MYO16: variants seen among roughly 807,000 people sequenced by gnomAD.
The protein encoded by MYO16 is myosin XVI.
Under a neutral mutation model 205.3 loss-of-function variants are expected in MYO16, and 94 were observed. The observed-to-expected ratio is 0.46, with a 90% CI of 0.39 to 0.54. MYO16 has a LOEUF of 0.54. Ranked by LOEUF, MYO16 falls within the 20% of genes least tolerant of loss-of-function variation. The pLI, the probability that MYO16 is intolerant of heterozygous loss-of-function variation, is 0.00. For synonymous variants in MYO16, 988 were observed against 954.0 expected, an observed-to-expected ratio of 1.04 and a Z score of -0.66; for missense variants, 2,315 against 2,387.5, an observed-to-expected ratio of 0.97 and a Z score of 0.63.
At chr13:108,631,733 G>A (rs1312962988) in intron 1 of MYO16, among the ~76,000 whole-genome samples, 3 of 152,118 alleles carry the variant, frequency 2.0e-5, no homozygotes, top group Non-Finnish European at 4.4e-5. Flanking sequence ...CTAGTGAAGG[G>A]TGTTTTATGA....
chr13:109,047,318 T>A (rs780819350), intron 24 of MYO16, among the ~76,000 whole-genome samples: 2 of 152,168 alleles, frequency 1.3e-5, no homozygotes, highest in African/African-American at 2.4e-5. Context: ...CAACGTTATT[T>A]AAGCCACAAC....
At chr13:109,077,142 C>T (rs2139661712) in intron 27 of MYO16, among the ~76,000 whole-genome samples, 1 of 152,178 alleles carries the variant, frequency 6.6e-6, no homozygotes, top group South Asian at 2.1e-4. Context: ...GCCTCAGCCT[C>T]CCAACTAGCT....
chr13:108,866,309 A>G, intron 12 of MYO16, 67 bp downstream of exon 12: 1 of 979,536 alleles, frequency 1.0e-6, no homozygotes, highest in African/African-American at 1.7e-5. Context: ...ACATGTTTGT[A>G]TCAAATGACT....
intron 28 of MYO16, among the ~76,000 whole-genome samples, chr13:109,103,292 G>A (rs1889027186): frequency 6.6e-6 from 1 of 152,134 alleles, no homozygotes; most frequent in Non-Finnish European, 1.5e-5. Context: ...AATTAATACA[G>A]GGATTCAATC....
chr13:108,855,291 C>A, intron 10 of MYO16, 152 bp from the exon 11 acceptor site: 1,395 of 243,736 alleles, frequency 5.7e-3, no homozygotes, highest in Middle Eastern at 0.02. Context: ...TTTTTTTTTT[C>A]TTTTTCATTG....
chr13:108,528,564 CT>C, the MYO16 span, among the ~76,000 whole-genome samples: 1 of 135,348 alleles, frequency 7.4e-6, no homozygotes, highest in African/African-American at 2.9e-5. Flanking sequence ...CTCCTCTCCT[CT>C]CCTCTCCCCT....
At chr13:108,830,343 A>G (rs1388158722) in intron 9 of MYO16, among the ~76,000 whole-genome samples, 1 of 141,640 alleles carries the variant, frequency 7.1e-6, no homozygotes, top group Admixed American at 7.2e-5. Flanking sequence ...CACAATAGCA[A>G]AGACCTGGAA....
At chr13:109,132,131 G>C (rs962439650) in intron 31 of MYO16, among the ~76,000 whole-genome samples, 8 of 152,194 alleles carry the variant, frequency 5.3e-5, no homozygotes, top group Non-Finnish European at 8.8e-5. Context: ...CTAAGATGTG[G>C]GACTTGCAAT....
At chr13:109,188,657 C>T (rs2139938144) in intron 34 of MYO16, among the ~76,000 whole-genome samples, 1 of 152,270 alleles carries the variant, frequency 6.6e-6, no homozygotes, top group Non-Finnish European at 1.5e-5. Context: ...GCAAAGAAGC[C>T]AGTCCGAGTC....
At chr13:108,948,438 C>G (rs908485493) in intron 16 of MYO16, among the ~76,000 whole-genome samples, 3 of 152,176 alleles carry the variant, frequency 2.0e-5, no homozygotes, top group Admixed American at 1.3e-4. Context: ...ATACTTGAAC[C>G]TTCAATCCCA....
At chr13:109,031,291 C>CCT (rs1490719387) in intron 23 of MYO16, among the ~76,000 whole-genome samples, 1 of 152,058 alleles carries the variant, frequency 6.6e-6, no homozygotes, top group African/African-American at 2.4e-5. Flanking sequence ...GGGGTTTCAC[C>CCT]ATATTGGCCA....
At chr13:108,529,104 TCTC>T in the MYO16 span, among the ~76,000 whole-genome samples, 1 of 152,194 alleles carries the variant, frequency 6.6e-6, no homozygotes, top group African/African-American at 2.4e-5. Flanking sequence ...CTTGGAATAA[TCTC>T]CTGCCTTCCA....
Position 108,727,588 on chromosome 13 carries a change from G to C in MYO16, c.507+5G>C. 1 of 1,605,928 alleles carries C rather than the reference G, an allele frequency of 6.2e-7. No homozygotes were observed. Among genetic ancestry groups the C allele is most frequent in the Non-Finnish European group, 8.5e-7 (1 of 1,176,932 alleles). On this transcript the variant is annotated splice_donor_5th_base_variant and intron_variant, in intron 4 of 34. Transcript: ENST00000457511. The stretch of plus-strand genomic sequence containing the variant: ...ATTGTCCTGCTTCTTGTATTAGTAA[G>C]TAAAGCAATTCAGTTTACCATTTGA...
the MYO16 span, among the ~76,000 whole-genome samples, chr13:108,576,831 G>A: frequency 1.3e-5 from 2 of 151,892 alleles, no homozygotes; most frequent in African/African-American, 2.4e-5. Flanking sequence ...GTGCAATCAC[G>A]GTTCACTGCA....
the MYO16 span, among the ~76,000 whole-genome samples, chr13:108,518,165 G>A: frequency 2.6e-5 from 4 of 152,120 alleles, no homozygotes; most frequent in South Asian, 2.1e-4. Flanking sequence ...AAGGTTTACC[G>A]GGTAAAAGGG....
intron 34 of MYO16, among the ~76,000 whole-genome samples, chr13:109,184,964 G>A (rs1481810889): frequency 1.3e-5 from 2 of 151,940 alleles, no homozygotes; most frequent in South Asian, 2.1e-4. Flanking sequence ...CAGTAGAGAC[G>A]GGGTTTCACC....
intron 4 of MYO16, among the ~76,000 whole-genome samples, chr13:108,765,538 T>G (rs1267468394): frequency 6.6e-6 from 1 of 152,198 alleles, no homozygotes; most frequent in African/African-American, 2.4e-5. Flanking sequence ...CCTGGGTTTT[T>G]TACTCATTTT....
chr13:109,099,938 G>T (rs1384802623), intron 27 of MYO16, among the ~76,000 whole-genome samples: 6 of 152,186 alleles, frequency 3.9e-5, no homozygotes, highest in Admixed American at 3.3e-4. Flanking sequence ...GAAAACTGAT[G>T]ACTTCAGCTT....
At chr13:108,866,641 A>G (rs1416934183) in intron 12 of MYO16, among the ~76,000 whole-genome samples, 2 of 152,236 alleles carry the variant, frequency 1.3e-5, no homozygotes, top group Non-Finnish European at 2.9e-5. Context: ...GTAATATTGC[A>G]TGTTTACGTT....
Sources: gnomAD v4.1 joint callset for allele counts (sites outside exome capture counted in the v4.1 genomes callset) on GRCh38, gnomAD v4.1.1 for gene constraint, MANE v1.5 for transcripts, NCBI Gene and HGNC (gene_info 2026-07-23, HGNC 2026-07-21) for gene names.